Variants in UXS1 observed in about 807,000 individuals in gnomAD.
UXS1 encodes the protein UDP-glucuronate decarboxylase 1.
Under a neutral mutation model 62.6 loss-of-function variants are expected in UXS1, and 33 were observed. The ratio of observed to expected loss-of-function variants is 0.53; its 90% confidence interval spans 0.40 to 0.70. The LOEUF is 0.70. Ranked by LOEUF, UXS1 falls within the 30% of genes least tolerant of loss-of-function variation. The pLI is 0.00. For synonymous variants in UXS1, 213 were observed against 206.8 expected, an observed-to-expected ratio of 1.03 and a Z score of -0.26; for missense variants, 434 against 556.3, an observed-to-expected ratio of 0.78 and a Z score of 2.21.
intron 1 of UXS1, among the ~76,000 whole-genome samples, chr2:106,177,217 ATGGAGT>A (rs1683942099): frequency 1.7e-5 from 2 of 116,546 alleles, no homozygotes; most frequent in African/African-American, 3.4e-5. Flanking sequence ...TTTTTTTGAG[ATGGAGT>A]CTTGCTCTGT....
At chr2:106,140,466 A>C (rs1245438298) in intron 6 of UXS1, among the ~76,000 whole-genome samples, 2 of 152,224 alleles carry the variant, frequency 1.3e-5, no homozygotes, top group African/African-American at 4.8e-5. Context: ...GTCTACATAA[A>C]CATGGACTCA....
chr2:106,121,561 G>A (rs1245932261), intron 9 of UXS1, among the ~76,000 whole-genome samples: 1 of 152,136 alleles, frequency 6.6e-6, no homozygotes, highest in Admixed American at 6.5e-5. Flanking sequence ...ACACAGAGTG[G>A]TCCTGTGTGT....
chr2:106,153,872 T>C (rs1256208016), intron 5 of UXS1, among the ~76,000 whole-genome samples: 2 of 152,128 alleles, frequency 1.3e-5, no homozygotes, highest in Non-Finnish European at 2.9e-5. Flanking sequence ...AGTACATAGA[T>C]AATAAAGAGA....
rs145415199 is a variant in UXS1, at chr2:106,151,754, A to G, written c.291+6304T>C. Among the ~76,000 whole-genome samples, 18 of 152,364 alleles carry G rather than the reference A, an allele frequency of 1.2e-4. No individual in the cohort carries two copies. In the East Asian group the frequency reaches 3.5e-3, roughly 29 times the overall value. ...TATTTCCAAATTCATGCTCAAATGC[A>G]TATACCTTTTTGATGCAATAGAAAT... On this transcript the variant is annotated intron_variant, in intron 5 of 14. Coordinates refer to ENST00000283148, the MANE Select transcript of UXS1 (RefSeq NM_001253875.2).
intron 1 of UXS1, among the ~76,000 whole-genome samples, chr2:106,176,791 G>A (rs1047062202): frequency 6.6e-5 from 10 of 152,230 alleles, no homozygotes; most frequent in African/African-American, 2.4e-4. Context: ...CTAAAGCAAA[G>A]GGCGCTTGCT....
intron 6 of UXS1, among the ~76,000 whole-genome samples, chr2:106,138,005 G>T (rs1573485290): frequency 6.6e-6 from 1 of 152,064 alleles, no homozygotes; most frequent in African/African-American, 2.4e-5. Flanking sequence ...ACTCTGTATG[G>T]GCTGTGATCT....
At chr2:106,144,638 G>C (rs999431008) in intron 6 of UXS1, among the ~76,000 whole-genome samples, 1 of 152,198 alleles carries the variant, frequency 6.6e-6, no homozygotes, top group Non-Finnish European at 1.5e-5. Flanking sequence ...TTGAACCAAT[G>C]GTTTTCTATC....
intron 11 of UXS1, chr2:106,101,343 T>C: frequency 1.8e-6 from 1 of 541,294 alleles, no homozygotes; most frequent in Non-Finnish European, 3.2e-6. Flanking sequence ...ATTTGCTTTT[T>C]TTGGGTGTGG....
chr2:106,114,297 G>A (rs1678886599), intron 9 of UXS1, among the ~76,000 whole-genome samples: 1 of 152,206 alleles, frequency 6.6e-6, no homozygotes, highest in Non-Finnish European at 1.5e-5. Flanking sequence ...GTAATACACT[G>A]TAATACTTCA....
At chr2:106,174,916 G>C (rs1378526860) in intron 1 of UXS1, among the ~76,000 whole-genome samples, 1 of 152,200 alleles carries the variant, frequency 6.6e-6, no homozygotes, top group African/African-American at 2.4e-5. Context: ...TGCATGACCT[G>C]TCAAGGGCTC....
intron 6 of UXS1, among the ~76,000 whole-genome samples, chr2:106,130,362 C>T (rs865974658): frequency 1.1e-4 from 16 of 152,150 alleles, no homozygotes; most frequent in African/African-American, 3.9e-4. Flanking sequence ...CTACCCACAG[C>T]GTTCCAGCAC....
intron 6 of UXS1, among the ~76,000 whole-genome samples, chr2:106,130,753 G>A (rs1680378369): frequency 2.0e-5 from 3 of 152,228 alleles, no homozygotes; most frequent in Admixed American, 2.0e-4. Flanking sequence ...TCAGTCTGGA[G>A]GTTCTCAATC....
chr2:106,104,153 A>G (rs1174878310), intron 11 of UXS1, among the ~76,000 whole-genome samples: 1 of 152,202 alleles, frequency 6.6e-6, no homozygotes, highest in African/African-American at 2.4e-5. Flanking sequence ...AGAATTTACA[A>G]TAGCCACATA....
intron 4 of UXS1, among the ~76,000 whole-genome samples, chr2:106,158,326 T>C (rs1195734438): frequency 6.6e-6 from 1 of 152,170 alleles, no homozygotes; most frequent in African/African-American, 2.4e-5. Context: ...AGAATCAAGC[T>C]AAAGACGTGA....
rs1211167465 is a variant in UXS1, at chr2:106,124,467, C to T, written c.637+1153G>A. ...CAAAAATAATTTCCAATCATCTCCC[C>T]TTTCCAGCATTCTGTGAGGCTAAGA... On this transcript the variant is annotated intron_variant, in intron 8 of 14. Transcript: ENST00000283148. Among the ~76,000 whole-genome samples the T allele has an allele frequency of 1.6e-4, 24 of 152,340 alleles. No homozygotes were observed. In the East Asian group the frequency reaches 3.7e-3, roughly 23 times the overall value.
In UXS1 at chr2:106,194,194, C is replaced by T. The variant is rs765178972; in HGVS notation, c.48G>A (p.Arg16=). 2.0e-5 allele frequency: 30 copies of T among 1,478,560 alleles called. No individual in the cohort carries two copies. Among genetic ancestry groups the T allele is most frequent in the Non-Finnish European group, 2.6e-5 (29 of 1,112,826 alleles). 91.6% of individuals were successfully genotyped at this position (1,478,560 alleles called of 1,614,324 possible). ...LLRLVSAVNR[R]RMKLLLGIAL... is the part of the protein sequence containing the mutation. ...CGATGCCCAGCAGCAGCTTCATCCTCCTGCGGTTGACGGCAGACACGAGGC... is the reference window on the plus strand; with the variant it reads ...CGATGCCCAGCAGCAGCTTCATCCTTCTGCGGTTGACGGCAGACACGAGGC... The change falls in exon 1 of 15, where the codon AGG becomes AGA. Residue 16 remains arginine (R), a synonymous_variant. Transcript: ENST00000283148.
intron 8 of UXS1, among the ~76,000 whole-genome samples, chr2:106,124,033 C>A (rs920393843): frequency 5.9e-5 from 9 of 152,224 alleles, no homozygotes; most frequent in Non-Finnish European, 2.9e-5. Flanking sequence ...CGCAGCAATG[C>A]AGAAGTGTGC....
intron 1 of UXS1, among the ~76,000 whole-genome samples, chr2:106,192,004 C>A (rs1034595879): frequency 1.3e-5 from 2 of 152,214 alleles, no homozygotes; most frequent in African/African-American, 4.8e-5. Context: ...GATGCAGATT[C>A]TCAGGCCACA....
chr2:106,118,429 C>G (rs1156647966), intron 9 of UXS1, among the ~76,000 whole-genome samples: 1 of 140,320 alleles, frequency 7.1e-6, no homozygotes, highest in Non-Finnish European at 1.6e-5. Flanking sequence ...GGGTGGGCCA[C>G]AGACCTCAGA....
Sources: gnomAD v4.1 joint callset for allele counts (sites outside exome capture counted in the v4.1 genomes callset) on GRCh38, gnomAD v4.1.1 for gene constraint, MANE v1.5 for transcripts, NCBI Gene and HGNC (gene_info 2026-07-23, HGNC 2026-07-21) for gene names.